STAU2: variants seen among roughly 807,000 people sequenced by gnomAD.
The protein encoded by STAU2 is staufen double-stranded RNA binding protein 2.
In STAU2, 20 loss-of-function variants were observed where a neutral mutation model predicts 65.9. The observed-to-expected ratio is 0.30, with a 90% confidence interval of 0.21 to 0.44. The LOEUF is 0.44. Ranked by LOEUF, STAU2 falls within the 20% of genes least tolerant of loss-of-function variation. STAU2 has a pLI of 1.00. For missense variants in STAU2, 558 were observed against 683.9 expected (o/e 0.82, Z 2.05); for synonymous variants, 232 against 233.9 (o/e 0.99, Z 0.07).
chr8:73,473,657 C>T lies in STAU2; in HGVS notation c.1531-50955G>A, dbSNP rs369588083. On this transcript the variant is annotated intron_variant, in intron 13 of 14. Coordinates refer to ENST00000524300, the MANE Select transcript of STAU2 (RefSeq NM_001164380.2). ...ACATTGGCCTGGAAGGAGAGAGAAA[C>T]GGCCAGAGGCTTGGATTTGCCAGTG... is the stretch of plus-strand genomic sequence containing the variant. Among the ~76,000 whole-genome samples the T allele has an allele frequency of 1.6e-3, 248 of 152,290 alleles. 1 individual carries two copies. Among genetic ancestry groups the T allele is most frequent in the African/African-American group, 4.5e-3 (186 of 41,556 alleles).
Position 73,420,592 on chromosome 8 carries a change from G to C in STAU2, c.*780C>G. On this transcript the variant is annotated 3_prime_UTR_variant, in exon 15 of 15. Coordinates refer to ENST00000524300, the MANE Select transcript of STAU2 (RefSeq NM_001164380.2). Reference sequence around the variant, plus strand: ...TGGCTACAACACACGGATGGGGGTGGGCGCGATTCCCACAACAGGGAGTGG... The same window carrying C: ...TGGCTACAACACACGGATGGGGGTGCGCGCGATTCCCACAACAGGGAGTGG... The C allele has an allele frequency of 5.5e-6, 1 of 180,418 alleles. No homozygotes were observed. The highest frequency in any genetic ancestry group is 1.2e-5 in the Non-Finnish European group (1 of 83,750). The allele number at this position is 180,418 out of a possible 1,614,324, so 11.2% of individuals were successfully genotyped here. A position where few individuals can be genotyped will look rare whatever the true frequency, so the allele number is the denominator to read the frequency against.
chr8:73,731,665 C>T (rs372619553), intron 3 of STAU2, among the ~76,000 whole-genome samples: 2 of 152,174 alleles, frequency 1.3e-5, no homozygotes, highest in East Asian at 1.9e-4. Flanking sequence ...TGGCCAGGCA[C>T]GGTGACTCAC....
At chr8:73,673,276 T>C in intron 5 of STAU2, 34 bp from the exon 6 acceptor site, 1 of 1,497,584 alleles carries the variant, frequency 6.7e-7, no homozygotes. Context: ...GGCACACAAG[T>C]GAAATATCTT....
chr8:73,536,257 T>A (rs557886489), intron 13 of STAU2, among the ~76,000 whole-genome samples: 1 of 152,252 alleles, frequency 6.6e-6, no homozygotes, highest in South Asian at 2.1e-4. Flanking sequence ...CAGTAGTGAA[T>A]TCCTAAGTTT....
At chr8:73,478,162 A>C (rs895228273) in intron 13 of STAU2, among the ~76,000 whole-genome samples, 1 of 151,696 alleles carries the variant, frequency 6.6e-6, no homozygotes, top group African/African-American at 2.4e-5. Flanking sequence ...ACTTACAGAT[A>C]AGGGCTATAA....
intron 5 of STAU2, among the ~76,000 whole-genome samples, chr8:73,683,513 G>A (rs941574197): frequency 1.3e-5 from 2 of 152,028 alleles, no homozygotes; most frequent in African/African-American, 2.4e-5. Flanking sequence ...TACTGAACAG[G>A]GAACAAGTTG....
intron 13 of STAU2, among the ~76,000 whole-genome samples, chr8:73,538,490 G>A (rs1477130735): frequency 6.6e-6 from 1 of 152,032 alleles, no homozygotes; most frequent in African/African-American, 2.4e-5. Flanking sequence ...AAGGGAATCT[G>A]TGGGGACTAA....
At chr8:73,684,337 A>G (rs1236421301) in intron 5 of STAU2, among the ~76,000 whole-genome samples, 1 of 152,182 alleles carries the variant, frequency 6.6e-6, no homozygotes, top group Non-Finnish European at 1.5e-5. Flanking sequence ...TCATCACAGC[A>G]CACAAAAAAT....
At position 73,603,800 on chromosome 8, in the gene STAU2, T is replaced by C. The variant is rs1319518937; in HGVS notation, c.955A>G (p.Lys319Glu). ...ISRLAQIQQAKKEKEPDYVLL... is the reference protein window; with the variant it reads ...ISRLAQIQQAEKEKEPDYVLL... ...ACATAATCCGGCTCCTTTTCCTTTT[T>C]GGCCTGTTGAATTTGCGCCAGGCGG... Residue 319 changes from lysine to glutamate, a missense_variant, in exon 10 of 15, where the codon AAA (lysine) becomes GAA (glutamate). By Grantham distance (56) the Lys-to-Glu change is moderately conservative (BLOSUM62 1). Around this residue, in one of 3 missense-constraint regions of STAU2, gnomAD observed 199 missense variants for 299.5 expected, o/e 0.66. Transcript: ENST00000524300. The C allele has an allele frequency of 1.9e-6, 3 of 1,612,156 alleles. No homozygotes were observed. Among genetic ancestry groups the C allele is most frequent in the Non-Finnish European group, 2.5e-6 (3 of 1,179,920 alleles).
chr8:73,646,101 A>G (rs1322436607), intron 6 of STAU2, among the ~76,000 whole-genome samples: 2 of 152,226 alleles, frequency 1.3e-5, no homozygotes, highest in African/African-American at 4.8e-5. Flanking sequence ...AGAAAGAAAC[A>G]TATTTTTAAT....
At chr8:73,428,681 A>G (rs1300372302) in intron 13 of STAU2, among the ~76,000 whole-genome samples, 1 of 152,170 alleles carries the variant, frequency 6.6e-6, no homozygotes, top group Non-Finnish European at 1.5e-5. Flanking sequence ...TTTTTAGGCT[A>G]CTTATAGCCT....
At chr8:73,722,387 T>A (rs1184603471) in intron 3 of STAU2, among the ~76,000 whole-genome samples, 1 of 152,200 alleles carries the variant, frequency 6.6e-6, no homozygotes, top group East Asian at 1.9e-4. Context: ...TATTTGCATC[T>A]GGTATCATTT....
chr8:73,734,510 T>A (rs1392419403), intron 3 of STAU2, among the ~76,000 whole-genome samples: 1 of 152,128 alleles, frequency 6.6e-6, no homozygotes, highest in Non-Finnish European at 1.5e-5. Flanking sequence ...TAAAAAACCA[T>A]GTAGGCCGGG....
At chr8:73,554,145 G>T (rs1807548053) in intron 12 of STAU2, among the ~76,000 whole-genome samples, 1 of 152,092 alleles carries the variant, frequency 6.6e-6, no homozygotes, top group South Asian at 2.1e-4. Flanking sequence ...TCCCTTGCTT[G>T]TCTCAGTCCC....
At chr8:73,615,404 T>C (rs986886122) in intron 8 of STAU2, among the ~76,000 whole-genome samples, 2 of 152,190 alleles carry the variant, frequency 1.3e-5, no homozygotes, top group Non-Finnish European at 2.9e-5. Context: ...TACCACAAAT[T>C]ATCTATACCC....
chr8:73,575,282 C>G (rs1000876422), intron 12 of STAU2, among the ~76,000 whole-genome samples: 14 of 152,094 alleles, frequency 9.2e-5, no homozygotes, highest in Admixed American at 4.6e-4. Context: ...CAAAATAAAA[C>G]TATACTGAAT....
chr8:73,669,549 C>T (rs1360029720), intron 6 of STAU2, among the ~76,000 whole-genome samples: 1 of 152,168 alleles, frequency 6.6e-6, no homozygotes, highest in Non-Finnish European at 1.5e-5. Context: ...TCCCTTGGTT[C>T]ACTCTGATCA....
At chr8:73,573,094 C>G (rs1438508244) in intron 12 of STAU2, among the ~76,000 whole-genome samples, 1 of 152,204 alleles carries the variant, frequency 6.6e-6, no homozygotes. Flanking sequence ...CACAAGCATT[C>G]CTATACACCA....
At chr8:73,457,284 C>G (rs769403746) in intron 13 of STAU2, among the ~76,000 whole-genome samples, 27 of 152,220 alleles carry the variant, frequency 1.8e-4, no homozygotes, top group Non-Finnish European at 3.1e-4. Flanking sequence ...ACATGACAAT[C>G]AACAATCCAA....
Sources: allele counts gnomAD v4.1 joint callset (sites outside exome capture counted in the v4.1 genomes callset), GRCh38; gene constraint gnomAD v4.1.1; regional missense constraint gnomAD v4.1.1; transcripts MANE v1.5; gene names NCBI Gene and HGNC (gene_info 2026-07-23, HGNC 2026-07-21).